The following CACNA1D variants were observed in gnomAD, a reference collection of about 807,000 sequenced individuals.
CACNA1D encodes the protein voltage-dependent L-type calcium channel subunit alpha-1D.
In CACNA1D, 55 loss-of-function variants were observed where a neutral mutation model predicts 257.1. That is an observed-to-expected ratio of 0.21 (90% CI 0.17 to 0.27). The LOEUF (loss-of-function observed/expected upper bound fraction) is 0.27. Ranked by LOEUF, CACNA1D falls within the 10% of genes least tolerant of loss-of-function variation. The pLI, the probability that CACNA1D is intolerant of heterozygous loss-of-function variation, is 1.00. For synonymous variants in CACNA1D, 980 were observed against 1,014.9 expected, an observed-to-expected ratio of 0.97 and a Z score of 0.65; for missense variants, 1,876 against 2,784.0, an observed-to-expected ratio of 0.67 and a Z score of 7.34.
Position 53,718,261 on chromosome 3 carries a change from G to T in CACNA1D, c.1391-40G>T, listed in dbSNP as rs745686125. 31 of 1,563,894 alleles carry T rather than the reference G, an allele frequency of 2.0e-5. No homozygotes were observed. The African/African-American group carries it at 3.8e-4, about 19-fold the overall frequency. On this transcript the variant is annotated intron_variant, in intron 9 of 47. Coordinates refer to ENST00000350061, the MANE Select transcript of CACNA1D (RefSeq NM_001128840.3). ...CTGGCCTGCCTCCCAGGCGTGCAGT[G>T]TGCCCCGCATGCTCTCTGAAGCCCG... is the stretch of plus-strand genomic sequence containing the variant.
At chr3:53,758,300 G>A (rs556504046) in intron 29 of CACNA1D, among the ~76,000 whole-genome samples, 1 of 152,262 alleles carries the variant, frequency 6.6e-6, no homozygotes, top group African/African-American at 2.4e-5. Context: ...CTGCCAGCAT[G>A]GGTAAGAGAT....
At position 53,735,603 on chromosome 3, in the gene CACNA1D, C is replaced by G. The variant is rs964536193; in HGVS notation, c.2751+100C>G. ...GCTGTGGAGGCCCTCAAGGTGACAG[C>G]TAGAGTAGGTCTTTCCTTCAGCTGG... On this transcript the variant is annotated intron_variant, in intron 20 of 47. Coordinates refer to ENST00000350061, the MANE Select transcript of CACNA1D (RefSeq NM_001128840.3). 3.0e-6 allele frequency: 4 copies of G among 1,323,418 alleles called. No homozygotes were observed. In the African/African-American group the frequency reaches 5.8e-5, roughly 19 times the overall value. 82.0% of individuals were successfully genotyped at this position (1,323,418 alleles called of 1,614,324 possible). A position where few individuals can be genotyped will look rare whatever the true frequency, so the allele number is the denominator to read the frequency against.
chr3:53,625,909 G>A (rs1375821418), intron 3 of CACNA1D, among the ~76,000 whole-genome samples: 1 of 152,162 alleles, frequency 6.6e-6, no homozygotes, highest in Non-Finnish European at 1.5e-5. Context: ...GAGGTCATGT[G>A]GTCCAACTTT....
chr3:53,647,148 G>A (rs1576219637), intron 3 of CACNA1D, among the ~76,000 whole-genome samples: 1 of 152,110 alleles, frequency 6.6e-6, no homozygotes, highest in Non-Finnish European at 1.5e-5. Flanking sequence ...GGGGACATCC[G>A]TCCATATACA....
At chr3:53,577,551 G>A (rs946006478) in intron 3 of CACNA1D, among the ~76,000 whole-genome samples, 5 of 152,142 alleles carry the variant, frequency 3.3e-5, no homozygotes, top group African/African-American at 9.7e-5. Flanking sequence ...TTCCTGTTGC[G>A]GCCAAGGGAG....
intron 21 of CACNA1D, 21 bp from the exon 22 acceptor site, chr3:53,742,990 C>T: frequency 6.7e-7 from 1 of 1,497,774 alleles, no homozygotes; most frequent in East Asian, 2.3e-5. Context: ...AATGGTAAAT[C>T]ATCCATGATT....
intron 3 of CACNA1D, among the ~76,000 whole-genome samples, chr3:53,580,673 C>A (rs1041028526): frequency 1.3e-5 from 2 of 152,202 alleles, no homozygotes; most frequent in Non-Finnish European, 2.9e-5. Flanking sequence ...CCTGTGAAGG[C>A]GGAGACCATG....
chr3:53,730,011 T>A (rs545731141), intron 15 of CACNA1D, among the ~76,000 whole-genome samples: 1 of 152,248 alleles, frequency 6.6e-6, no homozygotes, highest in African/African-American at 2.4e-5. Flanking sequence ...TGGAAAGCAC[T>A]CCCCTGAATA....
chr3:53,682,064 T>C (rs2094434832), intron 8 of CACNA1D, among the ~76,000 whole-genome samples: 1 of 152,116 alleles, frequency 6.6e-6, no homozygotes, highest in Admixed American at 6.5e-5. Context: ...GTTTTGGTCA[T>C]TAGCTGAAGG....
At chr3:53,794,785 G>T (rs2095500400) in intron 40 of CACNA1D, among the ~76,000 whole-genome samples, 1 of 152,230 alleles carries the variant, frequency 6.6e-6, no homozygotes, top group Non-Finnish European at 1.5e-5. Flanking sequence ...CTCATGAGAG[G>T]ATGAGAGTGT....
chr3:53,735,546 T>C lies in CACNA1D; in HGVS notation c.2751+43T>C, dbSNP rs2108787679. On this transcript the variant is annotated intron_variant, in intron 20 of 47. Coordinates refer to ENST00000350061, the MANE Select transcript of CACNA1D (RefSeq NM_001128840.3). ...GGCTCGCTCTGGGATAGCCCTGGCC[T>C]CTCTCGGGCAGAGGCCACTGTAGAG... 3 of 1,610,036 alleles carry C rather than the reference T, an allele frequency of 1.9e-6. 1 individual carries two copies. In the South Asian group the frequency reaches 3.3e-5, roughly 18 times the overall value.
intron 3 of CACNA1D, among the ~76,000 whole-genome samples, chr3:53,618,502 ACTT>A (rs1219633818): frequency 6.6e-6 from 1 of 151,920 alleles, no homozygotes; most frequent in Non-Finnish European, 1.5e-5. Context: ...ACACAAGAAA[ACTT>A]CTGAGACTGC....
chr3:53,716,092 C>T (rs2094815533), intron 9 of CACNA1D, among the ~76,000 whole-genome samples: 1 of 152,238 alleles, frequency 6.6e-6, no homozygotes, highest in Admixed American at 6.5e-5. Flanking sequence ...AAGACTTAGT[C>T]TTTTCAGAAG....
rs1408533922 is a variant in CACNA1D at position 53,547,660 on chromosome 3, T to G, written c.483+45940T>G. ...AAGGAAGAAACGAGGCAGGGAAGTT[T>G]CTCCGAGGAGGCACATTTTGAACCC... On this transcript the variant is annotated intron_variant, in intron 3 of 47. Transcript: ENST00000350061. 2.6e-5 allele frequency among the ~76,000 whole-genome samples: 4 copies of G among 152,306 alleles called. 1 individual carries two copies. Among genetic ancestry groups the G allele is most frequent in the Admixed American group, 2.6e-4 (4 of 15,300 alleles).
Position 53,793,408 on chromosome 3 carries a change from G to C in CACNA1D, c.4923+6456G>C, listed in dbSNP as rs1412929905. Among the ~76,000 whole-genome samples the C allele has an allele frequency of 1.3e-5, 2 of 152,214 alleles. No individual in the cohort carries two copies. Among genetic ancestry groups the C allele is most frequent in the Non-Finnish European group, 2.9e-5 (2 of 68,040 alleles). Reference sequence around the variant, plus strand: ...ACGTTGAGTTGATTCAGTGCTGAAGGATGGCACGTGCCTACCCCCTGTATG... The same window carrying C: ...ACGTTGAGTTGATTCAGTGCTGAAGCATGGCACGTGCCTACCCCCTGTATG... On this transcript the variant is annotated intron_variant, in intron 40 of 47. Coordinates refer to ENST00000350061, the MANE Select transcript of CACNA1D (RefSeq NM_001128840.3). The surrounding 1 kb of genome is among the most constrained non-coding windows in gnomAD (Gnocchi z 4.1).
chr3:53,805,057 C>T lies in CACNA1D; in HGVS notation c.5660C>T (p.Pro1887Leu), dbSNP rs1164635148. The T allele has an allele frequency of 1.9e-6, 3 of 1,613,954 alleles. No homozygotes were observed. The highest frequency in any genetic ancestry group is 2.5e-6 in the Non-Finnish European group (3 of 1,179,952). The change falls in exon 45 of 48, where the codon CCC becomes CTC. Residue 1887 changes from proline (P) to leucine (L), a missense_variant. Pro to Leu is a moderately conservative substitution (Grantham distance 98). Coordinates refer to ENST00000350061, the MANE Select transcript of CACNA1D (RefSeq NM_001128840.3). ...DSERPRGYHHPQGFLEDDDSP... is the reference protein window; with the variant it reads ...DSERPRGYHHLQGFLEDDDSP... The stretch of plus-strand genomic sequence containing the variant: ...GAGAGGCCCCGAGGCTACCATCATC[C>T]CCAAGGATTCTTGGAGGACGATGAC...
In CACNA1D at chr3:53,736,957, C is replaced by G. The variant is rs1010144122; in HGVS notation, c.2751+1454C>G. Among the ~76,000 whole-genome samples the G allele has an allele frequency of 3.3e-5, 5 of 151,882 alleles. No individual in the cohort carries two copies. In the East Asian group the frequency reaches 7.8e-4, roughly 24 times the overall value. On this transcript the variant is annotated intron_variant, in intron 20 of 47. Transcript: ENST00000350061. Reference sequence around the variant, plus strand: ...CAGAGGTGGCTATCCAGTTAGCCCTCTGTATCCATGGGTTTGGCATCCATG... The same window carrying G: ...CAGAGGTGGCTATCCAGTTAGCCCTGTGTATCCATGGGTTTGGCATCCATG...
intron 8 of CACNA1D, among the ~76,000 whole-genome samples, chr3:53,690,911 G>A (rs1243116904): frequency 6.6e-6 from 1 of 152,112 alleles, no homozygotes; most frequent in African/African-American, 2.4e-5. Context: ...CATTTTAGGT[G>A]GTTCTGCCAC....
chr3:53,810,554 C>G (rs1219466868), intron 47 of CACNA1D: 1 of 519,458 alleles, frequency 1.9e-6, no homozygotes, highest in Non-Finnish European at 3.5e-6. Flanking sequence ...GTCAGCGGCT[C>G]AAAGACCAGC....
Sources: allele counts gnomAD v4.1 joint callset (sites outside exome capture counted in the v4.1 genomes callset), GRCh38; gene constraint gnomAD v4.1.1; non-coding constraint Gnocchi (gnomAD v3.1); transcripts MANE v1.5; gene names NCBI Gene and HGNC (gene_info 2026-07-23, HGNC 2026-07-21).